The following SETX variants were observed in gnomAD, a reference collection of about 807,000 sequenced individuals.
The protein encoded by SETX is helicase senataxin.
SETX carries 90 observed loss-of-function variants against 227.2 expected under a neutral mutation model. That is an observed-to-expected ratio of 0.40 (90% CI 0.33 to 0.47). The LOEUF (loss-of-function observed/expected upper bound fraction) is 0.47, where lower values mean the gene tolerates loss of function less well. Ranked by LOEUF, SETX falls within the 20% of genes least tolerant of loss-of-function variation. The pLI is 0.91. For missense variants in SETX, 3,052 were observed against 3,181.5 expected (o/e 0.96, Z 0.98); for synonymous variants, 1,210 against 1,113.2 (o/e 1.09, Z -1.73).
At chr9:132,286,740 A>C (rs952836346) in intron 17 of SETX, among the ~76,000 whole-genome samples, 1 of 152,176 alleles carries the variant, frequency 6.6e-6, no homozygotes, top group African/African-American at 2.4e-5. Flanking sequence ...GCATCACGCC[A>C]CCCTTAACTT....
At chr9:132,286,610 A>G (rs1394452116) in intron 17 of SETX, 116 bp from the exon 18 acceptor site, 1 of 760,928 alleles carries the variant, frequency 1.3e-6, no homozygotes, top group African/African-American at 1.7e-5. Context: ...AAATGTATTT[A>G]CCCAGCTTAT....
intron 7 of SETX, among the ~76,000 whole-genome samples, chr9:132,333,654 A>G (rs753708223): frequency 2.6e-5 from 4 of 152,096 alleles, no homozygotes; most frequent in Admixed American, 6.6e-5. Context: ...ATTTAATTAC[A>G]GATCCTTCAT....
At chr9:132,291,159 CTT>C (rs139976052) in intron 15 of SETX, among the ~76,000 whole-genome samples, 6,261 of 82,838 alleles carry the variant, frequency 0.076, 30 homozygotes, top group East Asian at 0.18. Context: ...GTTTGAAAAC[CTT>C]TTTTTTTTTT....
Position 132,326,565 on chromosome 9 carries a change from T to C in SETX, c.5033A>G (p.Glu1678Gly), listed in dbSNP as rs1163882535. 6.2e-7 allele frequency: 1 copy of C among 1,614,220 alleles called. No individual in the cohort carries two copies. The highest frequency in any genetic ancestry group is 1.1e-5 in the South Asian group (1 of 91,084). Residue 1678 changes from glutamate (E) to glycine (G), a missense_variant, in exon 10 of 26, where the codon GAA (glutamate) becomes GGA (glycine). Transcript: ENST00000224140. The stretch of plus-strand genomic sequence containing the variant: ...AGAGGAAGATGGAAAATATTTGCTT[T>C]CACCAAATGGAACTTTGCAACCTTG... ...NRQGCKVPFG[E>G]SKYFPSSSPV...
intron 11 of SETX, 136 bp downstream of exon 11, chr9:132,311,621 T>C: frequency 1.5e-6 from 1 of 675,966 alleles, no homozygotes; most frequent in South Asian, 1.7e-5. Flanking sequence ...ATTAAGACTT[T>C]AAGCATATTC....
At chr9:132,272,350 T>C (rs28887923) in intron 23 of SETX, among the ~76,000 whole-genome samples, 10,977 of 152,090 alleles carry the variant, frequency 0.072, 779 homozygotes, top group East Asian at 0.38. Flanking sequence ...GGTCTTGCCA[T>C]GTTGCCCAGG....
chr9:132,266,907 T>C (rs755426195), intron 25 of SETX, among the ~76,000 whole-genome samples: 2 of 152,242 alleles, frequency 1.3e-5, no homozygotes, highest in Non-Finnish European at 2.9e-5. Context: ...ACAACACTGA[T>C]GACTATGGAT....
chr9:132,306,882 T>C (rs1845366294), intron 11 of SETX, among the ~76,000 whole-genome samples: 1 of 152,244 alleles, frequency 6.6e-6, no homozygotes, highest in South Asian at 2.1e-4. Context: ...TGCCCAGCTC[T>C]TTATCTATTT....
rs1475779702 is a variant in SETX, at chr9:132,331,283, G to A, written c.1004C>T (p.Ser335Phe). 2.5e-6 allele frequency: 4 copies of A among 1,613,964 alleles called. No homozygotes were observed. The highest frequency in any genetic ancestry group is 2.7e-5 in the African/African-American group (2 of 74,906). ...NREIRHIRNS[S>F]VRTKLEPESY... ...TGACATTAGCTGAACTAACCTTACA[G>A]AGCTGTTCCGTATATGTCGGATCTC... Residue 335 changes from serine to phenylalanine, a missense_variant, in exon 8 of 26, where the codon TCT (serine) becomes TTT (phenylalanine). Physicochemically the swap from Ser to Phe is radical, Grantham distance 155. Transcript: ENST00000224140.
chr9:132,275,515 T>G, intron 22 of SETX, 95 bp from the exon 23 acceptor site: 2 of 1,098,764 alleles, frequency 1.8e-6, no homozygotes, highest in Non-Finnish European at 2.7e-6. Flanking sequence ...CCCATTATAG[T>G]AAAGGGCAGG....
At chr9:132,269,869 T>C (rs1452906302) in intron 24 of SETX, among the ~76,000 whole-genome samples, 167 bp from the exon 25 acceptor site, 2 of 148,204 alleles carry the variant, frequency 1.3e-5, no homozygotes, top group East Asian at 2.1e-4. Flanking sequence ...TGACTCAGCG[T>C]GCCCGTGTGA....
intron 12 of SETX, among the ~76,000 whole-genome samples, chr9:132,300,361 T>C (rs1322352680): frequency 6.6e-6 from 1 of 152,170 alleles, no homozygotes; most frequent in Non-Finnish European, 1.5e-5. Flanking sequence ...AAACAACAGA[T>C]GGTCTGCAAA....
chr9:132,344,278 C>T (rs561719155), intron 4 of SETX, among the ~76,000 whole-genome samples: 2 of 152,244 alleles, frequency 1.3e-5, no homozygotes, highest in Admixed American at 6.5e-5. Context: ...CAGTGGTGTG[C>T]TCATGGCTCA....
At position 132,286,462 on chromosome 9, in the gene SETX, A is replaced by C; in HGVS notation, c.6357T>G (p.Val2119=). The C allele has an allele frequency of 6.2e-7, 1 of 1,613,812 alleles. No individual in the cohort carries two copies. Among genetic ancestry groups the C allele is most frequent in the Non-Finnish European group, 8.5e-7 (1 of 1,179,822 alleles). ...RQELDENISK[V]SKERQELASK... ...AAGCAAGTTCCTGCCTTTCCTTAGAAACTTTGGAAATGTTTTCATCTAATT... is the reference window on the plus strand; with the variant it reads ...AAGCAAGTTCCTGCCTTTCCTTAGACACTTTGGAAATGTTTTCATCTAATT... The change falls in exon 18 of 26, where the codon GTT becomes GTG. Residue 2119 remains valine, a synonymous_variant. Transcript: ENST00000224140.
intron 22 of SETX, among the ~76,000 whole-genome samples, chr9:132,275,648 C>T (rs1843124694): frequency 6.6e-6 from 1 of 152,000 alleles, no homozygotes; most frequent in South Asian, 2.1e-4. Context: ...ATGTGAAATG[C>T]CCAGTGAAAA....
chr9:132,354,682 G>C (rs564078377), intron 1 of SETX, among the ~76,000 whole-genome samples: 129 of 151,968 alleles, frequency 8.5e-4, no homozygotes, highest in African/African-American at 3.0e-3. Context: ...CGGAAGGACA[G>C]GGGGTCGCAG....
chr9:132,285,465 G>C (rs1328716765), intron 18 of SETX, among the ~76,000 whole-genome samples: 1 of 152,154 alleles, frequency 6.6e-6, no homozygotes, highest in Non-Finnish European at 1.5e-5. Context: ...GCCCATAGCT[G>C]GCCAGGCATG....
intron 2 of SETX, 61 bp downstream of exon 2, chr9:132,353,586 CAT>C (rs1445420653): frequency 3.3e-5 from 5 of 151,670 alleles, no homozygotes; most frequent in African/African-American, 4.8e-5. Context: ...GGACTCTGCA[CAT>C]GTTTCCATCA....
Position 132,326,769 on chromosome 9 carries a change from A to T in SETX, c.4829T>A (p.Leu1610His). 6.2e-7 allele frequency: 1 copy of T among 1,614,254 alleles called. No homozygotes were observed. The highest frequency in any genetic ancestry group is 8.5e-7 in the Non-Finnish European group (1 of 1,180,046). The change falls in exon 10 of 26, where the codon CTT becomes CAT. Residue 1610 changes from leucine (L) to histidine (H), a missense_variant. Physicochemically the swap from Leu to His is moderately conservative, Grantham distance 99 (BLOSUM62 -3). This residue lies in a region of SETX where 1,483 missense variants were observed against 1,312.0 expected (regional missense o/e 1.13). Transcript: ENST00000224140. ...SSKSTSRIAG[L>H]SKSLETSSAL... ...TGAAGAAGTTTCCAAAGATTTAGAA[A>T]GACCAGCAATTCGTGAAGTACTCTT...
Sources: allele counts gnomAD v4.1 joint callset (sites outside exome capture counted in the v4.1 genomes callset), GRCh38; gene constraint gnomAD v4.1.1; regional missense constraint gnomAD v4.1.1; transcripts MANE v1.5; gene names NCBI Gene and HGNC (gene_info 2026-07-23, HGNC 2026-07-21).